The following CPNE8 variants were observed in gnomAD, a reference collection of about 807,000 sequenced individuals.
CPNE8 encodes copine 8, also known as copine-8.
A neutral mutation model predicts 81.5 loss-of-function variants in CPNE8; 45 were observed. The observed-to-expected ratio is 0.55, with a 90% CI of 0.44 to 0.71. The LOEUF is 0.71. CPNE8 is among the 30% of genes least tolerant of loss of function. The pLI is 0.00. For synonymous variants in CPNE8, 252 were observed against 226.3 expected (o/e 1.11, Z -1.02); for missense variants, 594 against 672.1 (o/e 0.88, Z 1.28).
At chr12:38,754,944 G>A (rs1052613285) in intron 10 of CPNE8, among the ~76,000 whole-genome samples, 2 of 152,176 alleles carry the variant, frequency 1.3e-5, no homozygotes, top group African/African-American at 2.4e-5. Flanking sequence ...CACAGAGTAA[G>A]TGAGGAAACA....
At chr12:38,717,288 G>C (rs1203127460) in intron 13 of CPNE8, among the ~76,000 whole-genome samples, 1 of 151,128 alleles carries the variant, frequency 6.6e-6, no homozygotes, top group Non-Finnish European at 1.5e-5. Context: ...CCACTACTGG[G>C]TATCTACCCA....
intron 1 of CPNE8, among the ~76,000 whole-genome samples, chr12:38,902,374 AAGAAAGAAAAGAAAGAAAG>A (rs1944494942): frequency 1.9e-4 from 17 of 91,798 alleles, no homozygotes; most frequent in African/African-American, 9.3e-4. Flanking sequence ...GAAAGAAAGA[AAGAAAGAAAAGAAAGAAAG>A]AGAAAGAAAG....
At chr12:38,676,404 C>T in intron 17 of CPNE8, 1 of 553,450 alleles carries the variant, frequency 1.8e-6, no homozygotes, top group Non-Finnish European at 2.3e-6. Context: ...TCTAAGCTGA[C>T]TTTGGGTATC....
intron 6 of CPNE8, among the ~76,000 whole-genome samples, chr12:38,821,921 T>C (rs2137008231): frequency 6.6e-6 from 1 of 152,346 alleles, no homozygotes; most frequent in Admixed American, 6.5e-5. Flanking sequence ...TTGTGTATAA[T>C]AACATGAGTA....
intron 19 of CPNE8, among the ~76,000 whole-genome samples, chr12:38,657,165 C>T (rs111249278): frequency 0.013 from 2,052 of 152,242 alleles, 44 homozygotes; most frequent in African/African-American, 0.045. Flanking sequence ...AAAGGGGACA[C>T]TCCTGCCCAA....
chr12:38,790,370 T>C (rs1238297644), intron 6 of CPNE8, among the ~76,000 whole-genome samples: 1 of 151,734 alleles, frequency 6.6e-6, no homozygotes, highest in Non-Finnish European at 1.5e-5. Context: ...TTCTCACTTA[T>C]TTGCGGGATC....
intron 1 of CPNE8, among the ~76,000 whole-genome samples, chr12:38,904,912 G>C (rs561474827): frequency 3.9e-5 from 6 of 152,248 alleles, no homozygotes; most frequent in African/African-American, 1.4e-4. Context: ...TCAGGCAAAA[G>C]GCAAAAAGCC....
intron 8 of CPNE8, among the ~76,000 whole-genome samples, chr12:38,764,448 T>G (rs568590116): frequency 1.3e-5 from 2 of 150,208 alleles, no homozygotes; most frequent in African/African-American, 4.9e-5. Flanking sequence ...AAACCCCGTC[T>G]CTACTAAAAA....
Position 38,815,231 on chromosome 12 carries a change from T to C in CPNE8, c.407+14148A>G, listed in dbSNP as rs185576863. On this transcript the variant is annotated intron_variant, in intron 6 of 19. Transcript: ENST00000331366. ...TTCTGTGACCCTTCCAAGCACATTT[T>C]CCTTTTCTGCTCAGTAGCTTCTCCA... Among the ~76,000 whole-genome samples, 15 of 152,350 alleles carry C rather than the reference T, an allele frequency of 9.8e-5. No individual in the cohort carries two copies. The East Asian group carries it at 2.5e-3, about 25-fold the overall frequency.
chr12:38,872,472 T>C (rs1350570545), intron 3 of CPNE8, among the ~76,000 whole-genome samples: 8 of 152,230 alleles, frequency 5.3e-5, no homozygotes, highest in South Asian at 2.1e-4. Context: ...CACCTTCCAA[T>C]GATCATCCGC....
intron 6 of CPNE8, among the ~76,000 whole-genome samples, chr12:38,796,066 G>C (rs908078010): frequency 1.3e-5 from 2 of 152,162 alleles, no homozygotes; most frequent in African/African-American, 2.4e-5. Context: ...TTAGAGACCA[G>C]CCTGGTCAAC....
chr12:38,728,546 G>A (rs1008897291), intron 11 of CPNE8, among the ~76,000 whole-genome samples: 4 of 151,132 alleles, frequency 2.6e-5, no homozygotes, highest in Non-Finnish European at 5.9e-5. Flanking sequence ...TTTGAGGAAC[G>A]AAACAAAAAA....
chr12:38,733,740 G>T (rs1486547796), intron 10 of CPNE8, among the ~76,000 whole-genome samples: 4 of 151,902 alleles, frequency 2.6e-5, no homozygotes, highest in Non-Finnish European at 4.4e-5. Context: ...CGTATTTTGA[G>T]CAAATTGATT....
At chr12:38,684,246 T>C (rs1939479276) in intron 16 of CPNE8, among the ~76,000 whole-genome samples, 1 of 152,064 alleles carries the variant, frequency 6.6e-6, no homozygotes, top group South Asian at 2.1e-4. Flanking sequence ...GTTTTTCAGA[T>C]TGCAAGTAAT....
At chr12:38,712,138 G>C (rs947072693) in intron 13 of CPNE8, among the ~76,000 whole-genome samples, 3 of 151,362 alleles carry the variant, frequency 2.0e-5, no homozygotes, top group Admixed American at 6.6e-5. Context: ...AAACTTTATA[G>C]TGTTGCATGT....
intron 10 of CPNE8, among the ~76,000 whole-genome samples, chr12:38,739,447 A>G (rs1462024653): frequency 6.6e-6 from 1 of 152,204 alleles, no homozygotes; most frequent in Non-Finnish European, 1.5e-5. Flanking sequence ...TAATATCTGT[A>G]TGTGGAAACT....
chr12:38,794,549 G>C (rs1942408592), intron 6 of CPNE8, among the ~76,000 whole-genome samples: 1 of 151,282 alleles, frequency 6.6e-6, no homozygotes, highest in Non-Finnish European at 1.5e-5. Flanking sequence ...TACATAAAAA[G>C]ATCTTCAACA....
chr12:38,760,451 A>ATATATATATATC (rs749406707), intron 10 of CPNE8, among the ~76,000 whole-genome samples: 1 of 120,172 alleles, frequency 8.3e-6, no homozygotes, highest in Non-Finnish European at 1.9e-5. Context: ...ATATATATAT[A>ATATATATATATC]TGTGTGTGTA....
At chr12:38,753,334 C>A (rs1166809120) in intron 10 of CPNE8, among the ~76,000 whole-genome samples, 1 of 152,126 alleles carries the variant, frequency 6.6e-6, no homozygotes, top group Non-Finnish European at 1.5e-5. Flanking sequence ...CACCAGTAAT[C>A]CCAGCGACTC....
Sources: allele counts gnomAD v4.1 joint callset (sites outside exome capture counted in the v4.1 genomes callset), GRCh38; gene constraint gnomAD v4.1.1; transcripts MANE v1.5; gene names NCBI Gene and HGNC (gene_info 2026-07-23, HGNC 2026-07-21).